The following FBRSL1 variants were observed in gnomAD, a reference collection of about 807,000 sequenced individuals.
FBRSL1 encodes the protein fibrosin-1-like protein.
FBRSL1 carries 51 observed loss-of-function variants against 89.6 expected under a neutral mutation model. That is an observed-to-expected ratio of 0.57 (90% CI 0.45 to 0.72). The LOEUF (loss-of-function observed/expected upper bound fraction) is 0.72, where lower values mean the gene tolerates loss of function less well. Among genes scored for constraint, FBRSL1 ranks in the 30% least tolerant of loss-of-function variants. The pLI is 0.00. For synonymous variants in FBRSL1, 779 were observed against 681.1 expected, an observed-to-expected ratio of 1.14 and a Z score of -2.24; for missense variants, 1,618 against 1,451.8, an observed-to-expected ratio of 1.11 and a Z score of -1.86.
chr12:132,510,984 T>C (rs368588306), intron 2 of FBRSL1: 4 of 987,560 alleles, frequency 4.1e-6, no homozygotes, highest in East Asian at 2.3e-4. Context: ...TGAGAGTGAG[T>C]GGCGTGCTGG....
Position 132,581,796 on chromosome 12 carries a change from C to T in FBRSL1, c.1968C>T (p.Ala656=). ...FGGLGSLSSH[A]FGGLGSHALA... Reference sequence around the variant, plus strand: ...GCCTGGGCAGCCTGAGCAGCCACGCCTTTGGGGGCCTGGGCAGCCATGCAC... The same window carrying T: ...GCCTGGGCAGCCTGAGCAGCCACGCTTTTGGGGGCCTGGGCAGCCATGCAC... The change falls in exon 17 of 19, where the codon GCC becomes GCT. Residue 656 remains alanine, a synonymous_variant. Transcript: ENST00000680143. The T allele has an allele frequency of 3.2e-6, 5 of 1,549,080 alleles. No individual in the cohort carries two copies. Among genetic ancestry groups the T allele is most frequent in the Non-Finnish European group, 3.5e-6 (4 of 1,146,282 alleles).
In FBRSL1 at chr12:132,581,842, TG is replaced by T. The variant is rs1469290744; in HGVS notation, c.1996+19del. 2.5e-5 allele frequency: 38 copies of T among 1,528,448 alleles called. No individual in the cohort carries two copies. The highest frequency in any genetic ancestry group is 3.3e-5 in the Non-Finnish European group (38 of 1,135,744). The allele number at this position is 1,528,448 out of a possible 1,614,324, so 94.7% of individuals were successfully genotyped here. ...TGCACTGGGTGAGTGACCCAGCCTGTGCCCCCCTCCCCCGATGCCCGCGCCC... is the reference window on the plus strand; with the variant it reads ...TGCACTGGGTGAGTGACCCAGCCTGTCCCCCCTCCCCCGATGCCCGCGCCC... On this transcript the variant is annotated intron_variant, in intron 17 of 18. Coordinates refer to ENST00000680143, the MANE Select transcript of FBRSL1 (RefSeq NM_001367871.1).
intron 4 of FBRSL1, among the ~76,000 whole-genome samples, chr12:132,531,002 G>A (rs930158106): frequency 2.1e-4 from 32 of 150,554 alleles, no homozygotes; most frequent in Admixed American, 1.8e-3. Context: ...TGTGGGGGGG[G>A]GGGTGCAGGT....
intron 5 of FBRSL1, among the ~76,000 whole-genome samples, chr12:132,560,735 C>T (rs1200555530): frequency 6.6e-6 from 1 of 152,194 alleles, no homozygotes; most frequent in East Asian, 1.9e-4. Context: ...GCCCGGGCGC[C>T]CCCGCTGCCT....
At chr12:132,514,800 G>A (rs1014483900) in intron 2 of FBRSL1, among the ~76,000 whole-genome samples, 2 of 152,184 alleles carry the variant, frequency 1.3e-5, no homozygotes, top group African/African-American at 4.8e-5. Flanking sequence ...TGTTATGTGA[G>A]CCACATATAG....
In FBRSL1 at chr12:132,508,211, A is replaced by G. The variant is rs1223506294; in HGVS notation, c.350A>G (p.Lys117Arg). The G allele has an allele frequency of 2.8e-5, 43 of 1,551,106 alleles. No individual in the cohort carries two copies. Among genetic ancestry groups the G allele is most frequent in the Non-Finnish European group, 3.7e-5 (42 of 1,146,952 alleles). The change falls in exon 2 of 19, where the codon AAG becomes AGG. Residue 117 changes from lysine to arginine, a missense_variant. By Grantham distance (26) the Lys-to-Arg change is conservative. Coordinates refer to ENST00000680143, the MANE Select transcript of FBRSL1 (RefSeq NM_001367871.1). ...RKEKWERRLI[K>R]KPRESETCPP... is the part of the protein sequence containing the mutation. ...GAGAAGTGGGAGCGTCGTCTCATCA[A>G]GAAGCCCCGGGAGTCGGAAACCTGC... is the stretch of plus-strand genomic sequence containing the variant.
intron 4 of FBRSL1, among the ~76,000 whole-genome samples, chr12:132,537,035 C>A (rs558550796): frequency 6.6e-6 from 1 of 152,210 alleles, no homozygotes; most frequent in East Asian, 1.9e-4. Flanking sequence ...AGAGTGGAAG[C>A]GGCTGGTGGC....
In FBRSL1 at chr12:132,495,995, C is replaced by A. The variant is rs535316307; in HGVS notation, c.291+5134C>A. ...TACAGCAGGAGTCACCGGCCCTCTT[C>A]CCCATCCCCTCCCTCCCGGCTGCTT... is the stretch of plus-strand genomic sequence containing the variant. On this transcript the variant is annotated intron_variant, in intron 1 of 18. Transcript: ENST00000680143. Among the ~76,000 whole-genome samples, 7 of 152,388 alleles carry A rather than the reference C, an allele frequency of 4.6e-5. No individual in the cohort carries two copies. In the East Asian group the frequency reaches 1.2e-3, roughly 25 times the overall value.
At position 132,516,480 on chromosome 12, in the gene FBRSL1, G is replaced by T. The variant is rs116844033; in HGVS notation, c.489+8130G>T. ...GAACAGGCGTGAACCACCACGCCCG[G>T]CTTAGATAATCTGAAGAGTCTTACA... On this transcript the variant is annotated intron_variant, in intron 2 of 18. Transcript: ENST00000680143. 3.2e-3 allele frequency among the ~76,000 whole-genome samples: 488 copies of T among 152,292 alleles called. 1 individual carries two copies. Among genetic ancestry groups the T allele is most frequent in the Non-Finnish European group, 5.2e-3 (356 of 68,024 alleles).
At chr12:132,505,728 C>T (rs765351126) in intron 1 of FBRSL1, among the ~76,000 whole-genome samples, 23 of 152,180 alleles carry the variant, frequency 1.5e-4, no homozygotes, top group Admixed American at 3.9e-4. Context: ...AGTGCTGTGG[C>T]GTTGCTGTGG....
chr12:132,523,681 C>T, intron 2 of FBRSL1, among the ~76,000 whole-genome samples: 1 of 152,244 alleles, frequency 6.6e-6, no homozygotes, highest in East Asian at 1.9e-4. Flanking sequence ...TGCCCTGAGC[C>T]TCTGTCCCTA....
intron 4 of FBRSL1, among the ~76,000 whole-genome samples, chr12:132,530,179 C>T (rs1251889860): frequency 6.6e-6 from 1 of 152,076 alleles, no homozygotes; most frequent in East Asian, 1.9e-4. Context: ...TTTGATGACA[C>T]TCCTCCGCCC....
chr12:132,571,270 A>G (rs772632650), intron 9 of FBRSL1, 39 bp downstream of exon 9: 4 of 1,491,476 alleles, frequency 2.7e-6, no homozygotes, highest in South Asian at 1.3e-5. Flanking sequence ...CCCGCGGCCA[A>G]CGTGCCTCTC....
At chr12:132,502,148 G>C (rs960137278) in intron 1 of FBRSL1, among the ~76,000 whole-genome samples, 1 of 152,172 alleles carries the variant, frequency 6.6e-6, no homozygotes, top group Non-Finnish European at 1.5e-5. Flanking sequence ...CCCAACCTGC[G>C]GCAGCCCCGC....
chr12:132,574,275 C>T (rs1233288460), intron 12 of FBRSL1, 44 bp from the exon 13 acceptor site: 1 of 1,489,660 alleles, frequency 6.7e-7, no homozygotes, highest in Non-Finnish European at 8.9e-7. Context: ...AGGACTCAGC[C>T]TCCTGAGGGG....
chr12:132,558,113 G>C lies in FBRSL1; in HGVS notation c.646-9368G>C, dbSNP rs1019064422. Among the ~76,000 whole-genome samples the C allele has an allele frequency of 2.0e-5, 3 of 147,136 alleles. No individual in the cohort carries two copies. The Admixed American group carries it at 2.1e-4, about 10-fold the overall frequency. On this transcript the variant is annotated intron_variant, in intron 5 of 18. Transcript: ENST00000680143. ...TGACCTCGTCACAGGGCCCCTTCAC[G>C]GCCTTTGTCCTCACGGCCCCTCCTG... is the stretch of plus-strand genomic sequence containing the variant.
In FBRSL1 at chr12:132,490,539, G is replaced by T; in HGVS notation, c.-32G>T. ...CTGCGAGCCAGGCGCGGGGCGTCAAGGTCACCGGCCCGACGGGGCGCACGC... is the reference window on the plus strand; with the variant it reads ...CTGCGAGCCAGGCGCGGGGCGTCAATGTCACCGGCCCGACGGGGCGCACGC... On this transcript the variant is annotated 5_prime_UTR_variant, in exon 1 of 19. The change creates a new upstream start codon in the 5' untranslated region. Transcript: ENST00000680143. The T allele has an allele frequency of 1.0e-6, 1 of 980,438 alleles. No homozygotes were observed. The highest frequency in any genetic ancestry group is 4.6e-5 in the South Asian group (1 of 21,820). The allele number at this position is 980,438 out of a possible 1,614,324, so 60.7% of individuals were successfully genotyped here.
In FBRSL1 at chr12:132,583,372, C is replaced by A; in HGVS notation, c.2603C>A (p.Ala868Asp). The change falls in exon 19 of 19, where the codon GCC becomes GAC. Residue 868 changes from alanine (A) to aspartate (D), a missense_variant. Ala to Asp is a moderately radical substitution (Grantham distance 126). Transcript: ENST00000680143. ...LELPRRAFPA[A>D]APAPGSAALL... ...CTGCCACGTCGCGCCTTCCCCGCTG[C>A]CGCCCCCGCCCCGGGCTCCGCCGCC... is the stretch of plus-strand genomic sequence containing the variant. 1 of 1,100,048 alleles carries A rather than the reference C, an allele frequency of 9.1e-7. No individual in the cohort carries two copies. The highest frequency in any genetic ancestry group is 3.0e-5 in the South Asian group (1 of 33,620). The allele number at this position is 1,100,048 out of a possible 1,614,324, so 68.1% of individuals were successfully genotyped here. A position where few individuals can be genotyped will look rare whatever the true frequency, so the allele number is the denominator to read the frequency against.
chr12:132,582,926 A>T, intron 18 of FBRSL1, 45 bp from the exon 19 acceptor site: 1 of 1,334,636 alleles, frequency 7.5e-7, no homozygotes, highest in Non-Finnish European at 9.6e-7. Context: ...GCCGCGCGGC[A>T]GGACGGAGGT....
Sources: allele counts gnomAD v4.1 joint callset (sites outside exome capture counted in the v4.1 genomes callset), GRCh38; gene constraint gnomAD v4.1.1; transcripts MANE v1.5; gene names NCBI Gene and HGNC (gene_info 2026-07-23, HGNC 2026-07-21).